The following DNAH7 variants were observed in gnomAD, a reference collection of about 807,000 sequenced individuals.
DNAH7 encodes the protein axonemal beta dynein heavy chain 7.
Under a neutral mutation model 444.6 loss-of-function variants are expected in DNAH7, and 397 were observed. That is an observed-to-expected ratio of 0.89 (90% CI 0.82 to 0.97). The LOEUF is 0.97. DNAH7 is among the 50% of genes least tolerant of loss of function. The pLI is 0.00. For synonymous variants in DNAH7, 1,636 were observed against 1,624.4 expected, an observed-to-expected ratio of 1.01 and a Z score of -0.17; for missense variants, 4,902 against 4,800.8, an observed-to-expected ratio of 1.02 and a Z score of -0.62.
rs1574964598 is a variant in DNAH7, at chr2:195,990,807, G to A, written c.1354-2578C>T. 6.6e-5 allele frequency among the ~76,000 whole-genome samples: 9 copies of A among 135,804 alleles called. 1 individual carries two copies. Among genetic ancestry groups the A allele is most frequent in the African/African-American group, 2.0e-4 (7 of 35,328 alleles). The allele number at this position is 135,804 out of a possible 152,430, so 89.1% of individuals were successfully genotyped here. On this transcript the variant is annotated intron_variant, in intron 12 of 64. Coordinates refer to ENST00000312428, the MANE Select transcript of DNAH7 (RefSeq NM_018897.3). ...TGTGTGTGTGTGTGTGTGTGTGTGTGTGTGTATATATATATACTTAAATAT... is the reference window on the plus strand; with the variant it reads ...TGTGTGTGTGTGTGTGTGTGTGTGTATGTGTATATATATATACTTAAATAT...
At chr2:196,027,344 A>G (rs775673795) in intron 6 of DNAH7, among the ~76,000 whole-genome samples, 2 of 151,984 alleles carry the variant, frequency 1.3e-5, no homozygotes, top group Non-Finnish European at 2.9e-5. Context: ...GAAATATTAT[A>G]CAATAGGATT....
chr2:195,801,535 T>A (rs1453653464), intron 54 of DNAH7, among the ~76,000 whole-genome samples: 3 of 152,098 alleles, frequency 2.0e-5, no homozygotes, highest in Non-Finnish European at 2.9e-5. Flanking sequence ...CCACCCCGAC[T>A]GAATAGCTGC....
At chr2:196,039,788 CAAAA>C (rs34592815) in intron 5 of DNAH7, among the ~76,000 whole-genome samples, 1 of 79,658 alleles carries the variant, frequency 1.3e-5, no homozygotes, top group Non-Finnish European at 2.8e-5. Flanking sequence ...GATTCTGCCT[CAAAA>C]AAAAAAAAAA....
chr2:196,043,344 C>T (rs1334159466), intron 5 of DNAH7, among the ~76,000 whole-genome samples: 1 of 151,998 alleles, frequency 6.6e-6, no homozygotes, highest in African/African-American at 2.4e-5. Context: ...CAAATAAAGT[C>T]ACATAGGGTT....
Position 195,969,916 on chromosome 2 carries a change from A to C in DNAH7, c.2205+32T>G, listed in dbSNP as rs577341687. ...AATTCAATGCTTTTTCAATTGAACT[A>C]ATTCATCTTTTTAAGAATTTTTGAA... is the stretch of plus-strand genomic sequence containing the variant. On this transcript the variant is annotated intron_variant, in intron 17 of 64. Transcript: ENST00000312428. 2.5e-6 allele frequency: 4 copies of C among 1,589,348 alleles called. No homozygotes were observed. In the East Asian group the frequency reaches 9.0e-5, roughly 36 times the overall value.
chr2:196,026,947 AAAG>A lies in DNAH7; in HGVS notation c.487-10_487-8del. 1 of 1,564,422 alleles carries A rather than the reference AAAG, an allele frequency of 6.4e-7. No individual in the cohort carries two copies. The highest frequency in any genetic ancestry group is 8.7e-7 in the Non-Finnish European group (1 of 1,152,408). ...GAATATAATAGTAATATCTCTACAA[AAAG>A]AAGATAGGAAAAATGTAGATGTTTA... is the stretch of plus-strand genomic sequence containing the variant. On this transcript the variant is annotated splice_polypyrimidine_tract_variant and splice_region_variant and intron_variant, in intron 6 of 64. Transcript: ENST00000312428.
chr2:195,912,816 T>C (rs1253704865), intron 24 of DNAH7, among the ~76,000 whole-genome samples: 1 of 152,168 alleles, frequency 6.6e-6, no homozygotes, highest in Non-Finnish European at 1.5e-5. Context: ...AGATAAGCTA[T>C]TGAGGGATGA....
chr2:196,059,089 T>C (rs1192513079), intron 1 of DNAH7, among the ~76,000 whole-genome samples: 1 of 152,234 alleles, frequency 6.6e-6, no homozygotes, highest in Non-Finnish European at 1.5e-5. Context: ...TGGGCATATC[T>C]TCTGGAAGTC....
chr2:195,900,412 G>A lies in DNAH7; in HGVS notation c.4418C>T (p.Thr1473Ile), dbSNP rs1280423592. ...EIVLYSCGFV[T>I]ARPLSVKIVA... ...AATTTTTACAGACAGTGGTCGAGCA[G>A]TGACAAACCCACAGGAGTATAGGAC... Residue 1473 changes from threonine (T) to isoleucine (I), a missense_variant, in exon 28 of 65, where the codon ACT becomes ATT. Physicochemically the swap from Thr to Ile is moderately conservative, Grantham distance 89. Coordinates refer to ENST00000312428, the MANE Select transcript of DNAH7 (RefSeq NM_018897.3). 1 of 1,614,064 alleles carries A rather than the reference G, an allele frequency of 6.2e-7. No individual in the cohort carries two copies. Among genetic ancestry groups the A allele is most frequent in the Non-Finnish European group, 8.5e-7 (1 of 1,179,934 alleles).
Position 195,754,471 on chromosome 2 carries a change from C to A in DNAH7, c.11630G>T (p.Gly3877Val). Residue 3877 changes from glycine to valine, a missense_variant, in exon 63 of 65, where the codon GGC (glycine) becomes GTC (valine). By Grantham distance (109) the Gly-to-Val change is moderately radical. Transcript: ENST00000312428. ...CAGGAAGGCTTGTGTGAAGAAGAAGCCAGAAAGCCAGAAGACTGGAGGAGG... is the reference window on the plus strand; with the variant it reads ...CAGGAAGGCTTGTGTGAAGAAGAAGACAGAAAGCCAGAAGACTGGAGGAGG... ...VGPPPVFWLS[G>V]FFFTQAFLTG... The A allele has an allele frequency of 6.2e-7, 1 of 1,614,026 alleles. No individual in the cohort carries two copies. The highest frequency in any genetic ancestry group is 8.5e-7 in the Non-Finnish European group (1 of 1,179,958).
At chr2:195,886,991 A>T (rs994227948) in intron 33 of DNAH7, among the ~76,000 whole-genome samples, 4 of 152,228 alleles carry the variant, frequency 2.6e-5, no homozygotes, top group Non-Finnish European at 5.9e-5. Flanking sequence ...CAGTAGAAAC[A>T]TCAGAAATGA....
chr2:196,040,162 A>G (rs1281079571), intron 5 of DNAH7, among the ~76,000 whole-genome samples: 9 of 152,132 alleles, frequency 5.9e-5, no homozygotes, highest in East Asian at 3.9e-4. Flanking sequence ...ACTAACACCA[A>G]TTTTTCTCAA....
intron 1 of DNAH7, among the ~76,000 whole-genome samples, chr2:196,063,025 G>A (rs936506800): frequency 6.6e-6 from 1 of 152,132 alleles, no homozygotes; most frequent in Admixed American, 6.5e-5. Flanking sequence ...TAGGATTACA[G>A]GCGTGTGCCA....
chr2:195,917,101 CAAAA>C (rs34903739), intron 24 of DNAH7, among the ~76,000 whole-genome samples: 4 of 53,358 alleles, frequency 7.5e-5, no homozygotes, highest in Non-Finnish European at 1.5e-4. Context: ...GACTCCACCT[CAAAA>C]AAAAAAAAAA....
At chr2:196,024,088 A>C (rs1188831609) in intron 8 of DNAH7, among the ~76,000 whole-genome samples, 1 of 152,216 alleles carries the variant, frequency 6.6e-6, no homozygotes, top group Non-Finnish European at 1.5e-5. Context: ...TAATAATAAC[A>C]GAAAAAGCTT....
intron 19 of DNAH7, among the ~76,000 whole-genome samples, chr2:195,946,314 G>A (rs1049690226): frequency 1.1e-4 from 17 of 152,158 alleles, no homozygotes; most frequent in African/African-American, 4.1e-4. Flanking sequence ...TACTGCTACA[G>A]TATGGGGTAA....
chr2:196,067,809 T>C (rs1262986697), intron 1 of DNAH7, among the ~76,000 whole-genome samples: 1 of 152,198 alleles, frequency 6.6e-6, no homozygotes, highest in African/African-American at 2.4e-5. Context: ...TAAATGAAAT[T>C]TGCAGGCTTA....
chr2:196,005,033 G>A (rs540361630), intron 10 of DNAH7, among the ~76,000 whole-genome samples: 1 of 150,510 alleles, frequency 6.6e-6, no homozygotes. Context: ...CACTTTGGGA[G>A]GCCAAGGCAG....
chr2:195,963,234 T>A (rs1317205126), intron 17 of DNAH7, among the ~76,000 whole-genome samples: 1 of 152,232 alleles, frequency 6.6e-6, no homozygotes, highest in South Asian at 2.1e-4. Context: ...CAATCAACAG[T>A]GTAAGAAAGT....
Sources: allele counts gnomAD v4.1 joint callset (sites outside exome capture counted in the v4.1 genomes callset), GRCh38; gene constraint gnomAD v4.1.1; transcripts MANE v1.5; gene names NCBI Gene and HGNC (gene_info 2026-07-23, HGNC 2026-07-21).